CENPN: variants seen among roughly 807,000 people sequenced by gnomAD.
CENPN encodes interphase centromere complex protein 32.
Under a neutral mutation model 48.6 loss-of-function variants are expected in CENPN, and 36 were observed. The observed-to-expected ratio is 0.74, with a 90% CI of 0.57 to 0.98. The LOEUF (loss-of-function observed/expected upper bound fraction) is 0.98, where lower values mean the gene tolerates loss of function less well. Ranked by LOEUF, CENPN falls within the 50% of genes least tolerant of loss-of-function variation. The pLI, the probability that CENPN is intolerant of heterozygous loss-of-function variation, is 0.00. For synonymous variants in CENPN, 166 were observed against 135.2 expected (o/e 1.23, Z -1.58); for missense variants, 439 against 399.2 (o/e 1.10, Z -0.85).
Position 81,029,879 on chromosome 16 carries a change from C to CTAA in CENPN, c.*1232_*1234dup, listed in dbSNP as rs1398140859. On this transcript the variant is annotated 3_prime_UTR_variant, in exon 11 of 11. Transcript: ENST00000305850. The stretch of plus-strand genomic sequence containing the variant: ...AGTGTATTAGTCTATTCTCATGCTG[C>CTAA]TAATAAAGATACCTAAGACTGGGTA... Among the ~76,000 whole-genome samples the CTAA allele has an allele frequency of 6.6e-5, 10 of 152,086 alleles. No individual in the cohort carries two copies. Among genetic ancestry groups the CTAA allele is most frequent in the African/African-American group, 2.4e-4 (10 of 41,408 alleles).
chr16:81,028,763 T>G lies in CENPN; in HGVS notation c.*112T>G. On this transcript the variant is annotated 3_prime_UTR_variant, in exon 11 of 11. Coordinates refer to ENST00000305850, the MANE Select transcript of CENPN (RefSeq NM_001100624.3). ...GTAAACTTGTATTTTCAAGAATCCT[T>G]GGTATTGAATTTTTAGAAATGCTCA... is the stretch of plus-strand genomic sequence containing the variant. 6.8e-7 allele frequency: 1 copy of G among 1,468,296 alleles called. No individual in the cohort carries two copies. Among genetic ancestry groups the G allele is most frequent in the South Asian group, 1.5e-5 (1 of 66,836 alleles). 91.0% of individuals were successfully genotyped at this position (1,468,296 alleles called of 1,614,324 possible). A position where few individuals can be genotyped will look rare whatever the true frequency, so the allele number is the denominator to read the frequency against.
At chr16:81,027,893 C>T (rs932172380) in intron 9 of CENPN, among the ~76,000 whole-genome samples, 3 of 152,070 alleles carry the variant, frequency 2.0e-5, no homozygotes, top group Non-Finnish European at 4.4e-5. Context: ...TTAGTTAAGA[C>T]GGGGTTTCAC....
At position 81,010,431 on chromosome 16, in the gene CENPN, T is replaced by C. The variant is rs1248653176; in HGVS notation, c.-10-1499T>C. Among the ~76,000 whole-genome samples the C allele has an allele frequency of 2.0e-5, 3 of 152,106 alleles. No homozygotes were observed. The East Asian group carries it at 5.8e-4, about 29-fold the overall frequency. ...GGAGATTATATCCCTTGCCTATTGA[T>C]AAGGGAGGCACACCAGATTTGGGGC... On this transcript the variant is annotated intron_variant, in intron 1 of 10. Transcript: ENST00000305850.
Position 81,030,412 on chromosome 16 carries a change from T to C in CENPN, c.*1761T>C, listed in dbSNP as rs1451360314. ...TACCAGATATGTGGGGGAGGGGGTT[T>C]CCCCCACACATTAAGCAAGTGTGAA... On this transcript the variant is annotated 3_prime_UTR_variant, in exon 11 of 11. Transcript: ENST00000305850. 1.0e-6 allele frequency: 1 copy of C among 984,830 alleles called. No individual in the cohort carries two copies. The highest frequency in any genetic ancestry group is 1.2e-6 in the Non-Finnish European group (1 of 829,604). 61.0% of individuals were successfully genotyped at this position (984,830 alleles called of 1,614,324 possible).
At position 81,026,345 on chromosome 16, in the gene CENPN, C is replaced by T. The variant is rs1003915645; in HGVS notation, c.698-181C>T. Among the ~76,000 whole-genome samples, 3 of 151,100 alleles carry T rather than the reference C, an allele frequency of 2.0e-5. No homozygotes were observed. In the East Asian group the frequency reaches 5.8e-4, roughly 29 times the overall value. On this transcript the variant is annotated intron_variant, in intron 8 of 10. Coordinates refer to ENST00000305850, the MANE Select transcript of CENPN (RefSeq NM_001100624.3). ...GATTTTTATTTTCTCTTTTATCAACCTGTACTTCACTACCCTAAGAAACTT... is the reference window on the plus strand; with the variant it reads ...GATTTTTATTTTCTCTTTTATCAACTTGTACTTCACTACCCTAAGAAACTT...
At chr16:81,011,556 G>A (rs892399555) in intron 1 of CENPN, among the ~76,000 whole-genome samples, 3 of 152,206 alleles carry the variant, frequency 2.0e-5, no homozygotes, top group African/African-American at 4.8e-5. Flanking sequence ...ACTCTAGCCA[G>A]AAAAGGAGAG....
At chr16:81,012,186 C>A in intron 2 of CENPN, 76 bp downstream of exon 2, 2 of 1,318,232 alleles carry the variant, frequency 1.5e-6, no homozygotes, top group Non-Finnish European at 2.1e-6. Context: ...TTCCTTACTC[C>A]AAAAGAGATG....
chr16:81,027,510 T>G (rs1179965029), intron 9 of CENPN, among the ~76,000 whole-genome samples: 2 of 152,112 alleles, frequency 1.3e-5, no homozygotes, highest in African/African-American at 4.8e-5. Flanking sequence ...AATCTCAGTG[T>G]GACTCAAAAA....
intron 6 of CENPN, among the ~76,000 whole-genome samples, chr16:81,020,882 G>C (rs1056468659): frequency 6.6e-6 from 1 of 152,088 alleles, no homozygotes; most frequent in Non-Finnish European, 1.5e-5. Context: ...CTGAAGTCAG[G>C]AGTTTGAGAC....
At chr16:81,020,407 C>CAAGT in intron 6 of CENPN, 131 bp downstream of exon 6, 1 of 882,002 alleles carries the variant, frequency 1.1e-6, no homozygotes, top group Non-Finnish European at 1.6e-6. Flanking sequence ...CCTGTGGTCC[C>CAAGT]AGCTACTTGG....
chr16:81,026,982 A>G (rs1484940707), intron 9 of CENPN, among the ~76,000 whole-genome samples: 1 of 151,798 alleles, frequency 6.6e-6, no homozygotes, highest in South Asian at 2.1e-4. Flanking sequence ...GTTTTAGTAG[A>G]GACGGGGTTT....
intron 8 of CENPN, among the ~76,000 whole-genome samples, chr16:81,026,089 G>GTGTGTGTA (rs750276928): frequency 1.8e-4 from 25 of 137,642 alleles, no homozygotes; most frequent in African/African-American, 5.8e-4. Context: ...GTGTGTGTGT[G>GTGTGTGTA]TATATATATG....
At chr16:81,014,329 G>T in intron 3 of CENPN, 148 bp downstream of exon 3, 1 of 633,904 alleles carries the variant, frequency 1.6e-6, no homozygotes, top group South Asian at 1.8e-5. Context: ...CTGCCTCCTG[G>T]ATTCAAGTGA....
At position 81,020,096 on chromosome 16, in the gene CENPN, TAAG is replaced by T; in HGVS notation, c.355-3_355-1del. 1.9e-6 allele frequency: 3 copies of T among 1,588,508 alleles called. No homozygotes were observed. Among genetic ancestry groups the T allele is most frequent in the Non-Finnish European group, 2.6e-6 (3 of 1,172,258 alleles). On this transcript the variant is annotated splice_acceptor_variant and splice_polypyrimidine_tract_variant and intron_variant, in intron 5 of 10. Transcript: ENST00000305850. LOFTEE classifies it high-confidence loss of function. ...TTAAGCCTTTTTTTTTTTTCTTTAA[TAAG>T]GTGACAGTCAGCTTCAGAGAAACTG...
intron 4 of CENPN, 69 bp downstream of exon 4, chr16:81,017,454 G>A: frequency 7.4e-6 from 8 of 1,082,428 alleles, no homozygotes; most frequent in South Asian, 2.6e-5. Context: ...AGGTTACAGC[G>A]AGCTGAGATT....
intron 7 of CENPN, 189 bp downstream of exon 7, chr16:81,022,887 T>G: frequency 6.2e-7 from 1 of 1,607,452 alleles, no homozygotes; most frequent in Non-Finnish European, 8.5e-7. Context: ...TTTTTATAAT[T>G]GTATTGTGTT....
intron 8 of CENPN, among the ~76,000 whole-genome samples, chr16:81,025,689 C>CTTTTTTTTTTTTT (rs761078576): frequency 1.5e-5 from 2 of 135,224 alleles, no homozygotes; most frequent in African/African-American, 5.9e-5. Flanking sequence ...GACCCTGTCT[C>CTTTTTTTTTTTTT]TCTTTTTTTT....
In CENPN at chr16:81,030,448, G is replaced by C. The variant is rs1970717698; in HGVS notation, c.*1797G>C. Reference sequence around the variant, plus strand: ...TTAAGCAAGTGTGAAACATGATATAGAAAAATGACTTCACTCTGGGCCGGG... The same window carrying C: ...TTAAGCAAGTGTGAAACATGATATACAAAAATGACTTCACTCTGGGCCGGG... On this transcript the variant is annotated 3_prime_UTR_variant, in exon 11 of 11. Transcript: ENST00000305850. 1 of 972,560 alleles carries C rather than the reference G, an allele frequency of 1.0e-6. No homozygotes were observed. The allele number at this position is 972,560 out of a possible 1,614,324, so 60.2% of individuals were successfully genotyped here.
intron 2 of CENPN, among the ~76,000 whole-genome samples, chr16:81,013,085 A>C (rs1300467286): frequency 1.3e-5 from 2 of 152,236 alleles, no homozygotes; most frequent in East Asian, 3.8e-4. Context: ...ACTAATGTTC[A>C]CAGCAACATT....
Sources: gnomAD v4.1 joint callset for allele counts (sites outside exome capture counted in the v4.1 genomes callset) on GRCh38, gnomAD v4.1.1 for gene constraint, MANE v1.5 for transcripts, NCBI Gene and HGNC (gene_info 2026-07-23, HGNC 2026-07-21) for gene names.